Variants in SYT11 observed in about 807,000 individuals in gnomAD.
SYT11 encodes synaptotagmin-11.
In SYT11, 12 loss-of-function variants were observed where a neutral mutation model predicts 30.4. The observed-to-expected ratio is 0.39, with a 90% CI of 0.25 to 0.64. SYT11 has a LOEUF of 0.64. Among genes scored for constraint, SYT11 ranks in the 30% least tolerant of loss-of-function variants. The pLI is 0.45. For missense variants in SYT11, 412 were observed against 552.0 expected (o/e 0.75, Z 2.54); for synonymous variants, 204 against 216.0 (o/e 0.94, Z 0.49).
chr1:155,881,011 A>G (rs1672951250), intron 3 of SYT11, among the ~76,000 whole-genome samples, 187 bp from the exon 4 acceptor site: 1 of 152,124 alleles, frequency 6.6e-6, no homozygotes, highest in Non-Finnish European at 1.5e-5. Flanking sequence ...TTGGCCCCTC[A>G]TCCAGGCAGG....
intron 1 of SYT11, among the ~76,000 whole-genome samples, chr1:155,864,726 T>TTG (rs1672641809): frequency 6.6e-6 from 1 of 150,766 alleles, no homozygotes; most frequent in African/African-American, 2.4e-5. Flanking sequence ...TTTTTTTTTT[T>TTG]TTGAGATGGA....
intron 2 of SYT11, among the ~76,000 whole-genome samples, chr1:155,878,728 G>A (rs554276925): frequency 5.9e-5 from 9 of 151,930 alleles, no homozygotes; most frequent in Non-Finnish European, 8.8e-5. Flanking sequence ...TTAGCCGGGC[G>A]TGGTGGCGGG....
At chr1:155,861,471 C>G (rs1208853867) in intron 1 of SYT11, among the ~76,000 whole-genome samples, 1 of 152,188 alleles carries the variant, frequency 6.6e-6, no homozygotes, top group Non-Finnish European at 1.5e-5. Context: ...ATTATATCAG[C>G]CTGTTACATA....
intron 2 of SYT11, 62 bp from the exon 3 acceptor site, chr1:155,880,438 A>G (rs779661909): frequency 1.0e-5 from 16 of 1,597,848 alleles, no homozygotes; most frequent in Non-Finnish European, 1.2e-5. Flanking sequence ...TGCTCTGCAC[A>G]CTTTTTGTGC....
At chr1:155,864,708 C>CTTTTT (rs773089384) in intron 1 of SYT11, among the ~76,000 whole-genome samples, 7 of 128,274 alleles carry the variant, frequency 5.5e-5, no homozygotes, top group African/African-American at 8.9e-5. Context: ...TGACTCAATC[C>CTTTTT]TTTTTTTTTT....
Position 155,883,119 on chromosome 1 carries a change from G to T in SYT11, c.*1611G>T, listed in dbSNP as rs571720460. Reference sequence around the variant, plus strand: ...GATGCAATTCTTCTTCTACCAATGGGCAATAGAGGTTGAGAGAGATTCAGC... The same window carrying T: ...GATGCAATTCTTCTTCTACCAATGGTCAATAGAGGTTGAGAGAGATTCAGC... On this transcript the variant is annotated 3_prime_UTR_variant, in exon 4 of 4. Coordinates refer to ENST00000368324, the MANE Select transcript of SYT11 (RefSeq NM_152280.5). 4 of 152,428 alleles carry T rather than the reference G, an allele frequency of 2.6e-5. No homozygotes were observed. Among genetic ancestry groups the T allele is most frequent in the Admixed American group, 1.3e-4 (2 of 15,282 alleles). The allele number at this position is 152,428 out of a possible 1,614,324, so 9.4% of individuals were successfully genotyped here. A position where few individuals can be genotyped will look rare whatever the true frequency, so the allele number is the denominator to read the frequency against.
chr1:155,863,733 C>T (rs1672627849), intron 1 of SYT11, among the ~76,000 whole-genome samples: 2 of 151,988 alleles, frequency 1.3e-5, no homozygotes, highest in South Asian at 4.1e-4. Flanking sequence ...CCAGCGTGGC[C>T]AATATGGTGA....
chr1:155,859,574 C>T lies in SYT11; in HGVS notation c.-188C>T, dbSNP rs1672513080. ...CACCTGCATCCTTAGCTCAGCGCAT[C>T]CCCGGAGCATCTTAAGAGCTGAGCG... On this transcript the variant is annotated 5_prime_UTR_variant, in exon 1 of 4. Transcript: ENST00000368324. 2 of 647,086 alleles carry T rather than the reference C, an allele frequency of 3.1e-6. No individual in the cohort carries two copies. Among genetic ancestry groups the T allele is most frequent in the East Asian group, 5.2e-5 (2 of 38,624 alleles). 40.1% of individuals were successfully genotyped at this position (647,086 alleles called of 1,614,324 possible). A position where few individuals can be genotyped will look rare whatever the true frequency, so the allele number is the denominator to read the frequency against.
rs1292399238 is a variant in SYT11 at position 155,881,470 on chromosome 1, A to G, written c.1258A>G (p.Lys420Glu). 6.2e-7 allele frequency: 1 copy of G among 1,611,548 alleles called. No homozygotes were observed. The highest frequency in any genetic ancestry group is 2.2e-5 in the East Asian group (1 of 44,796). The stretch of plus-strand genomic sequence containing the variant: ...GAGAGAGGTCTGCGAGAGCCCCCGC[A>G]AGCCTGTGGCCAAGTGGCACAGTCT... ...HWREVCESPR[K>E]PVAKWHSLSE... Residue 420 changes from lysine (K) to glutamate (E), a missense_variant, in exon 4 of 4, where the codon AAG (lysine) becomes GAG (glutamate). Physicochemically the swap from Lys to Glu is moderately conservative, Grantham distance 56. Transcript: ENST00000368324.
At chr1:155,874,966 G>A (rs1468427813) in intron 2 of SYT11, among the ~76,000 whole-genome samples, 1 of 144,142 alleles carries the variant, frequency 6.9e-6, no homozygotes, top group African/African-American at 2.5e-5. Flanking sequence ...ATTAAGAGCT[G>A]ACAATAGGCC....
intron 2 of SYT11, 72 bp from the exon 3 acceptor site, chr1:155,880,428 T>C (rs1486510151): frequency 4.4e-6 from 7 of 1,581,642 alleles, no homozygotes; most frequent in African/African-American, 1.3e-5. Context: ...CTCTTCCCAC[T>C]GCTCTGCACA....
chr1:155,866,342 C>G (rs1283471132), intron 1 of SYT11, among the ~76,000 whole-genome samples: 1 of 152,112 alleles, frequency 6.6e-6, no homozygotes, highest in Non-Finnish European at 1.5e-5. Context: ...GTTTTGAACT[C>G]CTGACCTCAG....
rs1672534807 is a variant in SYT11, at chr1:155,860,297, T to C, written c.34+502T>C. Among the ~76,000 whole-genome samples, 2 of 151,984 alleles carry C rather than the reference T, an allele frequency of 1.3e-5. No individual in the cohort carries two copies. Among genetic ancestry groups the C allele is most frequent in the Admixed American group, 1.3e-4 (2 of 15,262 alleles). ...CTGGCAGCCAGGGGAGGCGGCGGCCTCTGGGGAAAGAGGGGTGCGGGGTGG... is the reference window on the plus strand; with the variant it reads ...CTGGCAGCCAGGGGAGGCGGCGGCCCCTGGGGAAAGAGGGGTGCGGGGTGG... On this transcript the variant is annotated intron_variant, in intron 1 of 3. Transcript: ENST00000368324. This position sits in a 1 kb window ranked among gnomAD's most constrained non-coding sequence, Gnocchi z 4.1.
chr1:155,877,457 T>C (rs1269052400), intron 2 of SYT11, among the ~76,000 whole-genome samples: 1 of 151,776 alleles, frequency 6.6e-6, no homozygotes, highest in Non-Finnish European at 1.5e-5. Context: ...TGAAGTGCAG[T>C]GGCTCAAACA....
At chr1:155,874,203 GGT>G (rs904397859) in intron 2 of SYT11, among the ~76,000 whole-genome samples, 2 of 152,164 alleles carry the variant, frequency 1.3e-5, no homozygotes, top group African/African-American at 4.8e-5. Context: ...GAACCCAGGA[GGT>G]GGGGGTTACC....
chr1:155,859,627 G>T lies in SYT11; in HGVS notation c.-135G>T. 1.2e-6 allele frequency: 1 copy of T among 816,878 alleles called. No individual in the cohort carries two copies. The highest frequency in any genetic ancestry group is 2.1e-6 in the Non-Finnish European group (1 of 474,188). The allele number at this position is 816,878 out of a possible 1,614,324, so 50.6% of individuals were successfully genotyped here. A position where few individuals can be genotyped will look rare whatever the true frequency, so the allele number is the denominator to read the frequency against. On this transcript the variant is annotated 5_prime_UTR_variant, in exon 1 of 4. Transcript: ENST00000368324. ...GCTGACAACTAGGGGCCGGACCGTC[G>T]CAGGAGGCGTCCGCTGGATACCTTC...
rs1029618799 is a variant in SYT11, at chr1:155,860,612, G to C, written c.34+817G>C. On this transcript the variant is annotated intron_variant, in intron 1 of 3. Coordinates refer to ENST00000368324, the MANE Select transcript of SYT11 (RefSeq NM_152280.5). The surrounding 1 kb of genome is among the most constrained non-coding windows in gnomAD (Gnocchi z 4.1). ...GGCGGGGGCGCGATCCAGGCCGGAG[G>C]GGGAGGGGCGAAAGAGGCCCAGCCC... Among the ~76,000 whole-genome samples the C allele has an allele frequency of 5.3e-5, 8 of 152,198 alleles. No individual in the cohort carries two copies. The highest frequency in any genetic ancestry group is 1.9e-4 in the African/African-American group (8 of 41,452).
At chr1:155,875,594 G>A (rs1317334339) in intron 2 of SYT11, among the ~76,000 whole-genome samples, 1 of 152,014 alleles carries the variant, frequency 6.6e-6, no homozygotes, top group Non-Finnish European at 1.5e-5. Context: ...TAGTAGACGG[G>A]GTTTTACCGT....
rs1672513007 is a variant in SYT11 at position 155,859,572 on chromosome 1, A to AT, written c.-189dup. 1 of 645,658 alleles carries AT rather than the reference A, an allele frequency of 1.5e-6. No individual in the cohort carries two copies. Among genetic ancestry groups the AT allele is most frequent in the Admixed American group, 2.4e-5 (1 of 41,196 alleles). 40.0% of individuals were successfully genotyped at this position (645,658 alleles called of 1,614,324 possible). A position where few individuals can be genotyped will look rare whatever the true frequency, so the allele number is the denominator to read the frequency against. On this transcript the variant is annotated 5_prime_UTR_variant, in exon 1 of 4. Coordinates refer to ENST00000368324, the MANE Select transcript of SYT11 (RefSeq NM_152280.5). Reference sequence around the variant, plus strand: ...TGCACCTGCATCCTTAGCTCAGCGCATCCCCGGAGCATCTTAAGAGCTGAG... The same window carrying AT: ...TGCACCTGCATCCTTAGCTCAGCGCATTCCCCGGAGCATCTTAAGAGCTGAG...
Sources: allele counts gnomAD v4.1 joint callset (sites outside exome capture counted in the v4.1 genomes callset), GRCh38; gene constraint gnomAD v4.1.1; non-coding constraint Gnocchi (gnomAD v3.1); transcripts MANE v1.5; gene names NCBI Gene and HGNC (gene_info 2026-07-23, HGNC 2026-07-21).